The following CFAP20 variants were observed in gnomAD, a reference collection of about 807,000 sequenced individuals.
The protein encoded by CFAP20 is cilia and flagella associated protein 20, also known as cilia- and flagella-associated protein 20.
Under a neutral mutation model 25.5 loss-of-function variants are expected in CFAP20, and 14 were observed. That is an observed-to-expected ratio of 0.55 (90% CI 0.36 to 0.86). CFAP20 has a LOEUF of 0.86. Ranked by LOEUF, CFAP20 falls within the 40% of genes least tolerant of loss-of-function variation. CFAP20 has a pLI of 0.01. For missense variants in CFAP20, 181 were observed against 248.0 expected, an observed-to-expected ratio of 0.73 and a Z score of 1.81; for synonymous variants, 75 against 91.1, an observed-to-expected ratio of 0.82 and a Z score of 1.01.
intron 1 of CFAP20, among the ~76,000 whole-genome samples, chr16:58,123,590 T>G (rs1460009778): frequency 1.4e-5 from 1 of 70,472 alleles, no homozygotes; most frequent in African/African-American, 5.4e-5. Flanking sequence ...AGCAAGACTC[T>G]GTCTCAAAAA....
rs778502098 is a variant in CFAP20 at position 58,114,801 on chromosome 16, C to T, written c.576+9G>A. 8 of 1,604,430 alleles carry T rather than the reference C, an allele frequency of 5.0e-6. No homozygotes were observed. Among genetic ancestry groups the T allele is most frequent in the Admixed American group, 1.7e-5 (1 of 59,976 alleles). ...CTGGTGGACCTTCCTCTGGGGAAGA[C>T]TGGCTTACCTTTGCCTTGTTCTGAA... is the stretch of plus-strand genomic sequence containing the variant. On this transcript the variant is annotated intron_variant, in intron 5 of 5. Transcript: ENST00000262498.
At chr16:58,118,065 G>A (rs773152178) in intron 1 of CFAP20, among the ~76,000 whole-genome samples, 2 of 152,124 alleles carry the variant, frequency 1.3e-5, no homozygotes, top group Non-Finnish European at 2.9e-5. Flanking sequence ...ATGATGGGGA[G>A]GAATCAATAT....
chr16:58,120,361 A>G (rs985809402), intron 1 of CFAP20, among the ~76,000 whole-genome samples: 3 of 152,236 alleles, frequency 2.0e-5, no homozygotes, highest in African/African-American at 7.2e-5. Context: ...ACCCTTATTT[A>G]AAGCATGCCC....
Position 58,129,154 on chromosome 16 carries a change from A to C in CFAP20, c.-39T>G, listed in dbSNP as rs891101896. The stretch of plus-strand genomic sequence containing the variant: ...TTCTCCTAAGCCGCCCCCGGAGCCG[A>C]CCTAGGCCCCGGAGTAGATACAGGC... On this transcript the variant is annotated 5_prime_UTR_variant, in exon 1 of 6. Coordinates refer to ENST00000262498, the MANE Select transcript of CFAP20 (RefSeq NM_013242.3). 1 of 1,607,744 alleles carries C rather than the reference A, an allele frequency of 6.2e-7. No individual in the cohort carries two copies. The highest frequency in any genetic ancestry group is 8.5e-7 in the Non-Finnish European group (1 of 1,177,040).
chr16:58,115,570 A>G, intron 3 of CFAP20, 113 bp from the exon 4 acceptor site: 1 of 1,282,470 alleles, frequency 7.8e-7, no homozygotes, highest in African/African-American at 1.5e-5. Flanking sequence ...GCTGAGACTT[A>G]GAGGAAAATA....
intron 5 of CFAP20, among the ~76,000 whole-genome samples, chr16:58,114,486 A>G (rs1288186461): frequency 6.6e-6 from 1 of 150,936 alleles, no homozygotes; most frequent in African/African-American, 2.4e-5. Context: ...AGATCGTGCC[A>G]CTGCACTCTA....
At chr16:58,121,653 C>T (rs1960536878) in intron 1 of CFAP20, among the ~76,000 whole-genome samples, 1 of 152,194 alleles carries the variant, frequency 6.6e-6, no homozygotes, top group Non-Finnish European at 1.5e-5. Flanking sequence ...TGGTTCTCTG[C>T]CTCTGCAGAC....
chr16:58,125,781 T>C (rs1182044445), intron 1 of CFAP20, among the ~76,000 whole-genome samples: 1 of 152,252 alleles, frequency 6.6e-6, no homozygotes, highest in Admixed American at 6.5e-5. Flanking sequence ...TGAACATCAT[T>C]GTATATGCTA....
At chr16:58,116,189 G>T in intron 2 of CFAP20, 37 bp from the exon 3 acceptor site, 3 of 1,440,838 alleles carry the variant, frequency 2.1e-6, no homozygotes, top group Non-Finnish European at 2.9e-6. Flanking sequence ...CACACTCCTG[G>T]ACTCTCTTCC....
chr16:58,119,963 C>CCTAAGTGCCCACCTCACTCGCCATCTCA (rs1960511864), intron 1 of CFAP20, among the ~76,000 whole-genome samples: 1 of 64,580 alleles, frequency 1.5e-5, no homozygotes, highest in Non-Finnish European at 3.1e-5. Context: ...TCGCCATCTA[C>CCTAAGTGCCCACCTCACTCGCCATCTCA]TGTTCCCAAC....
intron 5 of CFAP20, among the ~76,000 whole-genome samples, chr16:58,114,458 A>G (rs1161312351): frequency 6.6e-6 from 1 of 151,808 alleles, no homozygotes; most frequent in African/African-American, 2.4e-5. Flanking sequence ...CCTGGAAGGC[A>G]GAGGTTGCAG....
chr16:58,115,112 G>T, intron 4 of CFAP20, 157 bp downstream of exon 4: 1 of 1,152,264 alleles, frequency 8.7e-7, no homozygotes. Context: ...CCCGACTTCT[G>T]AATATTTCCT....
chr16:58,124,500 A>G (rs1960583448), intron 1 of CFAP20, among the ~76,000 whole-genome samples: 1 of 152,332 alleles, frequency 6.6e-6, no homozygotes, highest in Non-Finnish European at 1.5e-5. Context: ...AACATCCTAC[A>G]CACCCGGGCC....
At chr16:58,122,169 T>C (rs1374146473) in intron 1 of CFAP20, among the ~76,000 whole-genome samples, 2 of 152,230 alleles carry the variant, frequency 1.3e-5, no homozygotes, top group South Asian at 2.1e-4. Context: ...CTCCCTTCGC[T>C]GTACTTGACA....
intron 1 of CFAP20, 32 bp from the exon 2 acceptor site, chr16:58,116,983 A>G: frequency 6.3e-7 from 1 of 1,594,960 alleles, no homozygotes; most frequent in Non-Finnish European, 8.6e-7. Flanking sequence ...TAGTACTGAA[A>G]TATCTGACAA....
In CFAP20 at chr16:58,129,251, A is replaced by C. The variant is rs980411124; in HGVS notation, c.-136T>G. ...GGGTGGTTGAGCTCCTGGCCTCCGG[A>C]TCTGCAGCCACTGATGGCCGGACTC... is the stretch of plus-strand genomic sequence containing the variant. On this transcript the variant is annotated 5_prime_UTR_variant, in exon 1 of 6. Coordinates refer to ENST00000262498, the MANE Select transcript of CFAP20 (RefSeq NM_013242.3). The C allele has an allele frequency of 1.5e-5, 13 of 864,856 alleles. No homozygotes were observed. Among genetic ancestry groups the C allele is most frequent in the South Asian group, 6.7e-5 (4 of 60,138 alleles). The allele number at this position is 864,856 out of a possible 1,614,324, so 53.6% of individuals were successfully genotyped here. A position where few individuals can be genotyped will look rare whatever the true frequency, so the allele number is the denominator to read the frequency against.
chr16:58,129,159 G>A lies in CFAP20; in HGVS notation c.-44C>T. The A allele has an allele frequency of 6.2e-7, 1 of 1,604,366 alleles. No homozygotes were observed. Among genetic ancestry groups the A allele is most frequent in the Non-Finnish European group, 8.5e-7 (1 of 1,174,652 alleles). ...CTAAGCCGCCCCCGGAGCCGACCTA[G>A]GCCCCGGAGTAGATACAGGCACCGA... On this transcript the variant is annotated 5_prime_UTR_variant, in exon 1 of 6. Coordinates refer to ENST00000262498, the MANE Select transcript of CFAP20 (RefSeq NM_013242.3).
intron 3 of CFAP20, chr16:58,115,770 A>G: frequency 3.9e-6 from 2 of 517,996 alleles, no homozygotes; most frequent in South Asian, 2.4e-5. Context: ...GCCACCCACT[A>G]TTAAATAATC....
intron 1 of CFAP20, among the ~76,000 whole-genome samples, chr16:58,123,595 C>CAAAAAAAA (rs574037205): frequency 6.8e-4 from 31 of 45,720 alleles, no homozygotes; most frequent in East Asian, 1.1e-3. Flanking sequence ...GACTCTGTCT[C>CAAAAAAAA]AAAAAAAAAA....
Sources: gnomAD v4.1 joint callset for allele counts (sites outside exome capture counted in the v4.1 genomes callset) on GRCh38, gnomAD v4.1.1 for gene constraint, MANE v1.5 for transcripts, NCBI Gene and HGNC (gene_info 2026-07-23, HGNC 2026-07-21) for gene names.